FRY: variants seen among roughly 807,000 people sequenced by gnomAD.
FRY encodes the protein FRY microtubule binding protein.
FRY carries 128 observed loss-of-function variants against 348.4 expected under a neutral mutation model. That is an observed-to-expected ratio of 0.37 (90% CI 0.32 to 0.43). FRY has a LOEUF of 0.43. Among genes scored for constraint, FRY ranks in the 20% least tolerant of loss-of-function variants. FRY has a pLI of 1.00. For missense variants in FRY, 2,736 were observed against 3,695.2 expected (o/e 0.74, Z 6.73); for synonymous variants, 1,370 against 1,374.7 (o/e 1.00, Z 0.08).
intron 21 of FRY, 146 bp from the exon 22 acceptor site, chr13:32,178,698 T>A: frequency 2.9e-6 from 2 of 697,806 alleles, no homozygotes; most frequent in East Asian, 2.7e-5. Context: ...GTTTGACTTT[T>A]CATCCAATGC....
intron 40 of FRY, among the ~76,000 whole-genome samples, chr13:32,229,822 T>A (rs1885812256): frequency 6.6e-6 from 1 of 152,236 alleles, no homozygotes; most frequent in Non-Finnish European, 1.5e-5. Flanking sequence ...ATTGAGTCCA[T>A]GTCTAAATCT....
At chr13:32,069,864 GAC>G (rs1555248953) in intron 1 of FRY, among the ~76,000 whole-genome samples, 5 of 102,014 alleles carry the variant, frequency 4.9e-5, no homozygotes, top group African/African-American at 1.5e-4. Context: ...CCCTCCCCCA[GAC>G]CCCCACCCCC....
intron 54 of FRY, among the ~76,000 whole-genome samples, chr13:32,266,666 C>A (rs1593823616): frequency 6.6e-6 from 1 of 152,168 alleles, no homozygotes; most frequent in East Asian, 1.9e-4. Context: ...GGTGCAAATT[C>A]TCTTTCCTCG....
chr13:32,160,114 C>G (rs187446097), intron 16 of FRY, among the ~76,000 whole-genome samples: 36 of 152,292 alleles, frequency 2.4e-4, no homozygotes, highest in African/African-American at 8.7e-4. Flanking sequence ...TGTCACAGAG[C>G]AAAATTGCTG....
intron 33 of FRY, among the ~76,000 whole-genome samples, chr13:32,210,008 T>C (rs1461059775): frequency 6.6e-6 from 1 of 152,240 alleles, no homozygotes; most frequent in Non-Finnish European, 1.5e-5. Context: ...TAGCAGTTAC[T>C]GAAAGCTGCC....
chr13:32,118,805 T>A (rs570130818), intron 4 of FRY, among the ~76,000 whole-genome samples: 2 of 152,310 alleles, frequency 1.3e-5, no homozygotes, highest in Admixed American at 6.5e-5. Context: ...ATTTAAATTG[T>A]TTATCTGAAA....
chr13:32,285,906 T>C (rs1275548070), intron 58 of FRY, among the ~76,000 whole-genome samples: 1 of 152,210 alleles, frequency 6.6e-6, no homozygotes, highest in African/African-American at 2.4e-5. Context: ...AGATGTAAAG[T>C]TTTCTTGAGA....
chr13:32,063,070 T>G (rs190098601), intron 1 of FRY, among the ~76,000 whole-genome samples: 3 of 152,302 alleles, frequency 2.0e-5, no homozygotes, highest in East Asian at 3.9e-4. Context: ...CCTGTAAGAT[T>G]AGACTGTCCT....
At chr13:32,276,829 T>C (rs1888559808) in intron 57 of FRY, among the ~76,000 whole-genome samples, 1 of 152,224 alleles carries the variant, frequency 6.6e-6, no homozygotes, top group South Asian at 2.1e-4. Context: ...GTACTTGATA[T>C]GTTACTTACC....
intron 58 of FRY, among the ~76,000 whole-genome samples, chr13:32,280,623 T>C (rs185408734): frequency 2.0e-5 from 3 of 152,336 alleles, no homozygotes; most frequent in Non-Finnish European, 4.4e-5. Context: ...CAGCTCATAG[T>C]ATAGTTTGTA....
chr13:32,050,356 C>T (rs748639670), intron 1 of FRY, among the ~76,000 whole-genome samples: 8 of 152,178 alleles, frequency 5.3e-5, no homozygotes, highest in Admixed American at 1.3e-4. Context: ...ATGAAAGCTC[C>T]CAAAGATAAC....
rs968560164 is a variant in FRY at position 32,145,120 on chromosome 13, G to A, written c.1180-2162G>A. 9.2e-5 allele frequency among the ~76,000 whole-genome samples: 14 copies of A among 152,146 alleles called. 1 individual carries two copies. Among genetic ancestry groups the A allele is most frequent in the Admixed American group, 3.3e-4 (5 of 15,278 alleles). On this transcript the variant is annotated intron_variant, in intron 11 of 60. Transcript: ENST00000542859. ...CCTAGCTAGGGTTTACAAAGCTTGC[G>A]GGAGAGTAACAGGATGGGAGGCAGA...
At chr13:32,089,761 C>CA (rs1033111431) in intron 2 of FRY, among the ~76,000 whole-genome samples, 1 of 141,426 alleles carries the variant, frequency 7.1e-6, no homozygotes, top group Non-Finnish European at 1.5e-5. Context: ...ACCTTGTCTC[C>CA]AAAAAAAGAA....
rs9590783 is a variant in FRY, at chr13:32,140,261, C to G, written c.1179+3289C>G. The stretch of plus-strand genomic sequence containing the variant: ...AATGCCACGGGCTACACTGAGTTTC[C>G]TTATGCTTTCATGAATGTTGTTTAT... On this transcript the variant is annotated intron_variant, in intron 11 of 60. Transcript: ENST00000542859. Among the ~76,000 whole-genome samples the G allele has an allele frequency of 6.2e-3, 944 of 152,206 alleles. 9 individuals carry two copies. Among genetic ancestry groups the G allele is most frequent in the African/African-American group, 0.022 (906 of 41,536 alleles).
intron 1 of FRY, among the ~76,000 whole-genome samples, chr13:32,065,791 A>G (rs574991896): frequency 1.5e-4 from 23 of 152,078 alleles, no homozygotes; most frequent in African/African-American, 5.5e-4. Context: ...TTTGGTAGAG[A>G]TGGGGTCTCA....
At chr13:32,188,193 T>C (rs1883135733) in intron 28 of FRY, among the ~76,000 whole-genome samples, 1 of 152,116 alleles carries the variant, frequency 6.6e-6, no homozygotes, top group African/African-American at 2.4e-5. Context: ...AAATATAAAC[T>C]TTATTTCTTA....
intron 58 of FRY, 104 bp downstream of exon 58, chr13:32,278,652 G>T (rs749605957): frequency 2.6e-6 from 2 of 773,942 alleles, no homozygotes; most frequent in East Asian, 4.9e-5. Context: ...GAGGCGGAAT[G>T]AGTCACCCCA....
chr13:32,275,765 AGTTT>A (rs1888505178), intron 56 of FRY, among the ~76,000 whole-genome samples: 1 of 152,168 alleles, frequency 6.6e-6, no homozygotes, highest in Admixed American at 6.5e-5. Context: ...GCAAATGATG[AGTTT>A]AAGGGATAAT....
chr13:32,042,001 C>T (rs531371463), intron 1 of FRY, among the ~76,000 whole-genome samples: 1 of 152,304 alleles, frequency 6.6e-6, no homozygotes, highest in Admixed American at 6.5e-5. Flanking sequence ...AATGAAGATT[C>T]TAGCACATTT....
Sources: allele counts gnomAD v4.1 joint callset (sites outside exome capture counted in the v4.1 genomes callset), GRCh38; gene constraint gnomAD v4.1.1; transcripts MANE v1.5; gene names NCBI Gene and HGNC (gene_info 2026-07-23, HGNC 2026-07-21).